Variants in BCLAF1 observed in about 807,000 individuals in gnomAD.
BCLAF1 encodes the protein BCL2 associated transcription factor 1, also known as bcl-2-associated transcription factor 1.
BCLAF1 carries 10 observed loss-of-function variants against 99.5 expected under a neutral mutation model. The ratio of observed to expected loss-of-function variants is 0.10; its 90% CI spans 0.06 to 0.17. BCLAF1 has a LOEUF of 0.17. Among genes scored for constraint, BCLAF1 ranks in the 10% least tolerant of loss-of-function variants. The probability of loss-of-function intolerance (pLI) is 1.00; values close to 1 mark genes in which losing one functional copy is unlikely to be tolerated. For synonymous variants in BCLAF1, 255 were observed against 370.9 expected (o/e 0.69, Z 3.59); for missense variants, 636 against 1,105.8 (o/e 0.58, Z 6.02).
At position 136,273,164 on chromosome 6, in the gene BCLAF1, T is replaced by C. The variant is rs571035422; in HGVS notation, c.1876A>G (p.Met626Val). The C allele has an allele frequency of 3.3e-5, 53 of 1,612,134 alleles. No homozygotes were observed. Among genetic ancestry groups the C allele is most frequent in the Middle Eastern group, 1.7e-4 (1 of 6,046 alleles). ...GAAGTGAACCGCTCGTTTAGGGTCA[T>C]TGCAGCTGACTTGAAGTATTGCTCT... ...VKEQYFKSAA[M>V]TLNERFTSYQ... The change falls in exon 7 of 13, where the codon ATG becomes GTG. Residue 626 changes from methionine to valine, a missense_variant. Around this residue, in one of 9 missense-constraint regions of BCLAF1, gnomAD observed 180 missense variants for 270.0 expected, o/e 0.67. Transcript: ENST00000531224.
At position 136,259,945 on chromosome 6, in the gene BCLAF1, T is replaced by C. The variant is rs1463428785; in HGVS notation, c.*1165A>G. Reference sequence around the variant, plus strand: ...GATAATTCACATTTGAAAAATTATCTACCTGAAGAATAGAACTCTTAAGAG... The same window carrying C: ...GATAATTCACATTTGAAAAATTATCCACCTGAAGAATAGAACTCTTAAGAG... On this transcript the variant is annotated 3_prime_UTR_variant, in exon 13 of 13. Coordinates refer to ENST00000531224, the MANE Select transcript of BCLAF1 (RefSeq NM_014739.3). The C allele has an allele frequency of 6.6e-6, 1 of 151,936 alleles. No individual in the cohort carries two copies. Among genetic ancestry groups the C allele is most frequent in the Non-Finnish European group, 1.5e-5 (1 of 67,884 alleles). The allele number at this position is 151,936 out of a possible 1,614,324, so 9.4% of individuals were successfully genotyped here.
intron 1 of BCLAF1, among the ~76,000 whole-genome samples, chr6:136,285,160 A>C (rs140068616): frequency 5.3e-4 from 80 of 152,328 alleles, no homozygotes; most frequent in African/African-American, 1.8e-3. Flanking sequence ...AAACCCTTGC[A>C]GGGTTTTTGC....
rs1584066939 is a variant in BCLAF1, at chr6:136,276,556, G to A, written c.1017-48C>T. 5 of 1,517,146 alleles carry A rather than the reference G, an allele frequency of 3.3e-6. No individual in the cohort carries two copies. The East Asian group carries it at 1.1e-4, about 34-fold the overall frequency. 94.0% of individuals were successfully genotyped at this position (1,517,146 alleles called of 1,614,324 possible). ...ATAGTAACTCTGGATTGCATTCACTGTAGATCGCTTCCATATTTAAATGTG... is the reference window on the plus strand; with the variant it reads ...ATAGTAACTCTGGATTGCATTCACTATAGATCGCTTCCATATTTAAATGTG... On this transcript the variant is annotated intron_variant, in intron 4 of 12. Transcript: ENST00000531224.
At chr6:136,265,446 C>G (rs775095522) in intron 11 of BCLAF1, among the ~76,000 whole-genome samples, 7 of 152,178 alleles carry the variant, frequency 4.6e-5, no homozygotes, top group African/African-American at 7.2e-5. Flanking sequence ...ATGTTACTTT[C>G]TCAAATCTAG....
At chr6:136,281,696 C>T (rs978442669) in intron 2 of BCLAF1, among the ~76,000 whole-genome samples, 11 of 152,174 alleles carry the variant, frequency 7.2e-5, no homozygotes, top group Admixed American at 2.0e-4. Context: ...CTAAGAGCTA[C>T]AGATGCTGTG....
At chr6:136,261,989 T>C (rs943286110) in intron 11 of BCLAF1, among the ~76,000 whole-genome samples, 3 of 152,178 alleles carry the variant, frequency 2.0e-5, no homozygotes, top group African/African-American at 4.8e-5. Flanking sequence ...GATTGAAATC[T>C]AGATCAATGT....
intron 4 of BCLAF1, among the ~76,000 whole-genome samples, chr6:136,277,254 TCAGG>T (rs1279582328): frequency 1.3e-5 from 2 of 152,330 alleles, no homozygotes; most frequent in East Asian, 3.9e-4. Context: ...TTTTGTATAG[TCAGG>T]CTGAAATCAT....
At chr6:136,272,171 T>C (rs1782633590) in intron 7 of BCLAF1, 92 bp from the exon 8 acceptor site, 1 of 878,034 alleles carries the variant, frequency 1.1e-6, no homozygotes, top group Non-Finnish European at 1.7e-6. Context: ...AAGACAGTTA[T>C]TTCTCTCCCA....
rs973386096 is a variant in BCLAF1 at position 136,258,664 on chromosome 6, G to C, written c.*2446C>G. 2.0e-5 allele frequency: 3 copies of C among 152,500 alleles called. No homozygotes were observed. The highest frequency in any genetic ancestry group is 7.2e-5 in the African/African-American group (3 of 41,454). 9.4% of individuals were successfully genotyped at this position (152,500 alleles called of 1,614,324 possible). A position where few individuals can be genotyped will look rare whatever the true frequency, so the allele number is the denominator to read the frequency against. Reference sequence around the variant, plus strand: ...CATCATTATACATCACACTGAGTAAGAATCGTTTAGCCATCTACATTCAAT... The same window carrying C: ...CATCATTATACATCACACTGAGTAACAATCGTTTAGCCATCTACATTCAAT... On this transcript the variant is annotated 3_prime_UTR_variant, in exon 13 of 13. Coordinates refer to ENST00000531224, the MANE Select transcript of BCLAF1 (RefSeq NM_014739.3).
chr6:136,273,051 T>C (rs761843424), intron 7 of BCLAF1, 31 bp downstream of exon 7: 1 of 1,545,130 alleles, frequency 6.5e-7, no homozygotes, highest in African/African-American at 1.4e-5. Flanking sequence ...CAAAACAACG[T>C]TTTTATATGC....
At chr6:136,272,712 C>G (rs1481311682) in intron 7 of BCLAF1, among the ~76,000 whole-genome samples, 1 of 151,952 alleles carries the variant, frequency 6.6e-6, no homozygotes, top group South Asian at 2.1e-4. Context: ...ACACAACTAT[C>G]TGACTTCAAT....
intron 9 of BCLAF1, 83 bp from the exon 10 acceptor site, chr6:136,268,422 T>C (rs1174066741): frequency 2.4e-6 from 3 of 1,250,828 alleles, no homozygotes; most frequent in Non-Finnish European, 3.4e-6. Flanking sequence ...GAGATATTTT[T>C]CAAGTCAACA....
intron 4 of BCLAF1, among the ~76,000 whole-genome samples, chr6:136,276,916 A>C (rs1783509398): frequency 6.6e-6 from 1 of 152,208 alleles, no homozygotes; most frequent in African/African-American, 2.4e-5. Flanking sequence ...TAATATAAAC[A>C]AGAGTTCACA....
Position 136,276,314 on chromosome 6 carries a change from T to C in BCLAF1, c.1211A>G (p.Glu404Gly). The C allele has an allele frequency of 6.4e-7, 1 of 1,567,014 alleles. No individual in the cohort carries two copies. Among genetic ancestry groups the C allele is most frequent in the Non-Finnish European group, 8.6e-7 (1 of 1,158,978 alleles). The change falls in exon 5 of 13, where the codon GAG becomes GGG. Residue 404 changes from glutamate to glycine, a missense_variant. Transcript: ENST00000531224. Reference sequence around the variant, plus strand: ...CCTGAACTGTCTATAATCCTCTGTCTCCTCTGTGTCATCCCCTTCTGAATC... The same window carrying C: ...CCTGAACTGTCTATAATCCTCTGTCCCCTCTGTGTCATCCCCTTCTGAATC... ...FNDSEGDDTE[E>G]TEDYRQFRKS...
At chr6:136,275,496 AAATTT>A (rs1354464395) in intron 6 of BCLAF1, 31 bp downstream of exon 6, 1 of 1,449,788 alleles carries the variant, frequency 6.9e-7, no homozygotes, top group African/African-American at 1.4e-5. Context: ...CATGCAAGAG[AAATTT>A]AATTCACGAT....
In BCLAF1 at chr6:136,260,812, T is replaced by C; in HGVS notation, c.*298A>G. 2.3e-6 allele frequency: 1 copy of C among 429,300 alleles called. No individual in the cohort carries two copies. Among genetic ancestry groups the C allele is most frequent in the East Asian group, 3.6e-5 (1 of 28,032 alleles). 26.6% of individuals were successfully genotyped at this position (429,300 alleles called of 1,614,324 possible). A position where few individuals can be genotyped will look rare whatever the true frequency, so the allele number is the denominator to read the frequency against. On this transcript the variant is annotated 3_prime_UTR_variant, in exon 13 of 13. Transcript: ENST00000531224. Reference sequence around the variant, plus strand: ...ATCAGAACTTTCACAGAGCTGTACTTGACCATATCTTATAGACAAAGCAGA... The same window carrying C: ...ATCAGAACTTTCACAGAGCTGTACTCGACCATATCTTATAGACAAAGCAGA...
chr6:136,286,492 C>T (rs1785149770), intron 1 of BCLAF1, among the ~76,000 whole-genome samples: 2 of 152,182 alleles, frequency 1.3e-5, no homozygotes, highest in Admixed American at 6.5e-5. Flanking sequence ...ATGTAAACAG[C>T]TTAGTTTAAT....
intron 3 of BCLAF1, 91 bp from the exon 4 acceptor site, chr6:136,278,867 C>A: frequency 8.1e-7 from 1 of 1,228,424 alleles, no homozygotes; most frequent in Non-Finnish European, 1.1e-6. Context: ...TGTAAATAAA[C>A]AGTAAAGGCA....
chr6:136,270,813 A>G (rs1782407231), intron 8 of BCLAF1, among the ~76,000 whole-genome samples: 1 of 151,852 alleles, frequency 6.6e-6, no homozygotes, highest in Admixed American at 6.6e-5. Flanking sequence ...TGTAATGAGG[A>G]GAGAAGATAC....
Sources: gnomAD v4.1 joint callset for allele counts (sites outside exome capture counted in the v4.1 genomes callset) on GRCh38, gnomAD v4.1.1 for gene constraint, gnomAD v4.1.1 regional missense constraint, MANE v1.5 for transcripts, NCBI Gene and HGNC (gene_info 2026-07-23, HGNC 2026-07-21) for gene names.